Variants in PTK2 observed in about 807,000 individuals in gnomAD.
The protein encoded by PTK2 is focal adhesion kinase 1.
A neutral mutation model predicts 150.1 loss-of-function variants in PTK2; 45 were observed. That is an observed-to-expected ratio of 0.30 (90% CI 0.24 to 0.38). The LOEUF (loss-of-function observed/expected upper bound fraction) is 0.38, where lower values mean the gene tolerates loss of function less well. PTK2 is among the 10% of genes least tolerant of loss of function. PTK2 has a pLI of 1.00. For missense variants in PTK2, 919 were observed against 1,307.3 expected (o/e 0.70, Z 4.58); for synonymous variants, 432 against 449.2 (o/e 0.96, Z 0.48).
intron 23 of PTK2, among the ~76,000 whole-genome samples, chr8:140,713,148 T>G (rs1393401787): frequency 6.6e-6 from 1 of 152,238 alleles, no homozygotes; most frequent in East Asian, 1.9e-4. Context: ...CAGCATTTTT[T>G]TCTTTTTGTG....
At chr8:140,714,915 A>T (rs1005844473) in intron 23 of PTK2, among the ~76,000 whole-genome samples, 2 of 151,724 alleles carry the variant, frequency 1.3e-5, no homozygotes, top group Non-Finnish European at 2.9e-5. Flanking sequence ...AAGTATAGGA[A>T]GTGAGGAAAT....
At chr8:140,882,207 C>T (rs2100149544) in intron 3 of PTK2, among the ~76,000 whole-genome samples, 1 of 152,146 alleles carries the variant, frequency 6.6e-6, no homozygotes, top group South Asian at 2.1e-4. Flanking sequence ...AATGCATATA[C>T]TCAGTAACTT....
chr8:140,943,669 A>G (rs1031688995), intron 1 of PTK2, among the ~76,000 whole-genome samples: 7 of 152,262 alleles, frequency 4.6e-5, no homozygotes, highest in Non-Finnish European at 7.3e-5. Context: ...TTTAGCAATC[A>G]TAACATTTTG....
At chr8:140,736,018 C>T (rs952033480) in intron 21 of PTK2, among the ~76,000 whole-genome samples, 1 of 152,222 alleles carries the variant, frequency 6.6e-6, no homozygotes, top group Admixed American at 6.5e-5. Flanking sequence ...CTTCTTTGGG[C>T]TTCAAGTCGT....
At chr8:140,904,753 C>A (rs2100160180) in intron 2 of PTK2, among the ~76,000 whole-genome samples, 1 of 152,062 alleles carries the variant, frequency 6.6e-6, no homozygotes, top group African/African-American at 2.4e-5. Context: ...AGGAATGTAT[C>A]CATTTCTTCT....
At chr8:140,759,121 G>C (rs2100067681) in intron 16 of PTK2, among the ~76,000 whole-genome samples, 1 of 152,190 alleles carries the variant, frequency 6.6e-6, no homozygotes, top group African/African-American at 2.4e-5. Flanking sequence ...CGATGCATTT[G>C]TCAGAAAGTA....
intron 23 of PTK2, among the ~76,000 whole-genome samples, chr8:140,716,197 C>T (rs1490311355): frequency 2.6e-5 from 4 of 152,084 alleles, no homozygotes; most frequent in Non-Finnish European, 4.4e-5. Context: ...ATAGCAGACC[C>T]CCATGTGAAT....
intron 1 of PTK2, among the ~76,000 whole-genome samples, chr8:140,988,554 T>TC (rs971999740): frequency 4.6e-5 from 7 of 151,716 alleles, no homozygotes; most frequent in Non-Finnish European, 8.8e-5. Context: ...ACAGTAAAAC[T>TC]CCATCTCTAC....
rs62524105 is a variant in PTK2 at position 140,781,269 on chromosome 8, C to T, written c.1177+8205G>A. Among the ~76,000 whole-genome samples, 328 of 152,110 alleles carry T rather than the reference C, an allele frequency of 2.2e-3. 1 individual carries two copies. The highest frequency in any genetic ancestry group is 4.2e-3 in the Non-Finnish European group (288 of 67,988). The stretch of plus-strand genomic sequence containing the variant: ...TTTTATATTTGGTAAGATGATGATA[C>T]TTGGGCTTTTTGTGTTTTAATAATA... On this transcript the variant is annotated intron_variant, in intron 14 of 31. Transcript: ENST00000522684.
chr8:140,759,776 G>A (rs747610413), intron 16 of PTK2, among the ~76,000 whole-genome samples: 11 of 151,884 alleles, frequency 7.2e-5, no homozygotes, highest in African/African-American at 1.2e-4. Flanking sequence ...TCAGAAAGTC[G>A]AGGCCACGGT....
intron 1 of PTK2, among the ~76,000 whole-genome samples, chr8:140,950,815 AT>A (rs1256742453): frequency 3.3e-5 from 5 of 152,316 alleles, no homozygotes; most frequent in Middle Eastern, 3.4e-3. Context: ...GGTTAACTGT[AT>A]ATGAGAGGAC....
At chr8:140,878,492 C>A (rs2100146994) in intron 4 of PTK2, among the ~76,000 whole-genome samples, 1 of 151,924 alleles carries the variant, frequency 6.6e-6, no homozygotes, top group South Asian at 2.1e-4. Context: ...CCCAGCTACT[C>A]AAGAAGCTGA....
intron 29 of PTK2, among the ~76,000 whole-genome samples, chr8:140,673,200 T>C (rs567397961): frequency 9.2e-5 from 14 of 152,138 alleles, no homozygotes; most frequent in Non-Finnish European, 1.3e-4. Flanking sequence ...CTCCACCTCC[T>C]GGGTTCAAGT....
chr8:140,856,448 T>C (rs762225054), intron 5 of PTK2, among the ~76,000 whole-genome samples: 26 of 152,198 alleles, frequency 1.7e-4, no homozygotes, highest in Non-Finnish European at 3.4e-4. Context: ...CACTACGATA[T>C]ATTTATATAA....
At chr8:140,792,815 CTG>C (rs1284919591) in intron 13 of PTK2, among the ~76,000 whole-genome samples, 2 of 152,202 alleles carry the variant, frequency 1.3e-5, no homozygotes, top group Non-Finnish European at 2.9e-5. Flanking sequence ...ACAGCTATAA[CTG>C]TGTGTTTACC....
chr8:140,682,803 A>G (rs555958648), intron 27 of PTK2, among the ~76,000 whole-genome samples: 21 of 152,354 alleles, frequency 1.4e-4, no homozygotes, highest in South Asian at 6.2e-4. Flanking sequence ...TTTGAAACTA[A>G]TAAGTACAAA....
intron 7 of PTK2, among the ~76,000 whole-genome samples, chr8:140,840,326 T>C (rs951082733): frequency 4.6e-5 from 7 of 152,348 alleles, no homozygotes; most frequent in African/African-American, 1.7e-4. Flanking sequence ...TTATAGGTTA[T>C]GAGCCACTGC....
intron 17 of PTK2, among the ~76,000 whole-genome samples, chr8:140,750,051 G>C (rs964492656): frequency 7.9e-5 from 12 of 152,222 alleles, no homozygotes; most frequent in Non-Finnish European, 1.8e-4. Flanking sequence ...GATGACTGAT[G>C]TGGTCTGTTT....
chr8:140,864,849 TTA>T (rs917891596), intron 4 of PTK2, among the ~76,000 whole-genome samples: 1 of 152,240 alleles, frequency 6.6e-6, no homozygotes, highest in Admixed American at 6.5e-5. Context: ...CATTCTCTCT[TTA>T]TGTGTATGTG....
Sources: allele counts gnomAD v4.1 joint callset (sites outside exome capture counted in the v4.1 genomes callset), GRCh38; gene constraint gnomAD v4.1.1; transcripts MANE v1.5; gene names NCBI Gene and HGNC (gene_info 2026-07-23, HGNC 2026-07-21).